SIN3B: variants seen among roughly 807,000 people sequenced by gnomAD.
SIN3B encodes paired amphipathic helix protein Sin3b.
SIN3B carries 19 observed loss-of-function variants against 120.2 expected under a neutral mutation model. That is an observed-to-expected ratio of 0.16 (90% CI 0.11 to 0.23). SIN3B has a LOEUF of 0.23. Among genes scored for constraint, SIN3B ranks in the 10% least tolerant of loss-of-function variants. The pLI is 1.00. For synonymous variants in SIN3B, 654 were observed against 653.2 expected (o/e 1.00, Z -0.02); for missense variants, 1,073 against 1,573.0 (o/e 0.68, Z 5.38).
chr19:16,833,045 A>G (rs1322508624), intron 3 of SIN3B, among the ~76,000 whole-genome samples: 2 of 152,148 alleles, frequency 1.3e-5, no homozygotes, highest in Non-Finnish European at 2.9e-5. Flanking sequence ...ACAGCCAGAA[A>G]TGTCTCCAGA....
chr19:16,858,473 C>A (rs569359719), intron 8 of SIN3B, among the ~76,000 whole-genome samples: 1 of 152,228 alleles, frequency 6.6e-6, no homozygotes, highest in South Asian at 2.1e-4. Context: ...CCCAAGGGGA[C>A]CAATTAGGTT....
intron 8 of SIN3B, 120 bp downstream of exon 8, chr19:16,854,381 A>G (rs1332379898): frequency 9.4e-6 from 6 of 641,188 alleles, no homozygotes; most frequent in East Asian, 2.7e-5. Context: ...CTGTTTATTA[A>G]TTGACGTGAT....
rs759215816 is a variant in SIN3B, at chr19:16,878,731, G to A, written c.*4G>A. 23 of 1,589,272 alleles carry A rather than the reference G, an allele frequency of 1.4e-5. No individual in the cohort carries two copies. The highest frequency in any genetic ancestry group is 9.4e-5 in the African/African-American group (7 of 74,428). On this transcript the variant is annotated 3_prime_UTR_variant, in exon 19 of 19. Transcript: ENST00000248054. ...CCGCCGCCCGGCCTCGCCCTGACCC[G>A]CCCTCATGGGCACCGGGCAGGCGCC...
intron 3 of SIN3B, among the ~76,000 whole-genome samples, chr19:16,841,522 C>T (rs901158147): frequency 6.6e-6 from 1 of 152,112 alleles, no homozygotes. Flanking sequence ...GCAAGGTGCT[C>T]GTTGAACTTG....
chr19:16,877,864 T>TG (rs1449472954), intron 17 of SIN3B, among the ~76,000 whole-genome samples: 28 of 152,152 alleles, frequency 1.8e-4, no homozygotes, highest in African/African-American at 6.8e-4. Flanking sequence ...AACCCCACGA[T>TG]GCGTCAGTGG....
chr19:16,864,996 C>T (rs1971744085), intron 10 of SIN3B: 1 of 155,276 alleles, frequency 6.4e-6, no homozygotes, highest in Non-Finnish European at 1.4e-5. Flanking sequence ...CCATTCCTGG[C>T]TAATTTTTTT....
chr19:16,838,535 C>T (rs1281690343), intron 3 of SIN3B, among the ~76,000 whole-genome samples: 2 of 152,186 alleles, frequency 1.3e-5, no homozygotes, highest in South Asian at 2.1e-4. Flanking sequence ...CTGAATCATT[C>T]TCCACTGTAT....
At chr19:16,841,028 T>C (rs1971410524) in intron 3 of SIN3B, among the ~76,000 whole-genome samples, 1 of 152,170 alleles carries the variant, frequency 6.6e-6, no homozygotes, top group South Asian at 2.1e-4. Flanking sequence ...ACCCAGCCCT[T>C]GTGTGCTGGG....
chr19:16,842,722 G>T (rs556248303), intron 4 of SIN3B, among the ~76,000 whole-genome samples: 1 of 152,314 alleles, frequency 6.6e-6, no homozygotes, highest in East Asian at 1.9e-4. Context: ...GTGGTGGGAA[G>T]AAACTCAGAG....
chr19:16,863,931 T>C, intron 10 of SIN3B, 135 bp downstream of exon 10: 1 of 635,614 alleles, frequency 1.6e-6, no homozygotes, highest in Non-Finnish European at 2.8e-6. Context: ...CAACAGCTCC[T>C]GGAAGCTTCC....
chr19:16,871,611 C>T, intron 14 of SIN3B: 1 of 531,070 alleles, frequency 1.9e-6, no homozygotes, highest in South Asian at 2.3e-5. Context: ...GCAACCACCA[C>T]CTCTGTCTAG....
intron 4 of SIN3B, 76 bp downstream of exon 4, chr19:16,842,044 C>T: frequency 8.2e-7 from 1 of 1,218,588 alleles, no homozygotes; most frequent in Non-Finnish European, 1.2e-6. Context: ...TTCAGATTTT[C>T]TTGTCGGAAT....
rs949432145 is a variant in SIN3B, at chr19:16,864,633, A to AT, written c.1384-768dup. Reference sequence around the variant, plus strand: ...AGGAATGAGCCACCACACCTGGCTAATTTTTTTTTCCTTTTTTTAGAGACA... The same window carrying AT: ...AGGAATGAGCCACCACACCTGGCTAATTTTTTTTTTCCTTTTTTTAGAGACA... On this transcript the variant is annotated intron_variant, in intron 10 of 18. Coordinates refer to ENST00000248054, the MANE Select transcript of SIN3B (RefSeq NM_001297595.2). 3.3e-5 allele frequency among the ~76,000 whole-genome samples: 5 copies of AT among 150,806 alleles called. No homozygotes were observed. The East Asian group carries it at 5.9e-4, about 18-fold the overall frequency.
chr19:16,835,251 CAG>C (rs891262797), intron 3 of SIN3B, among the ~76,000 whole-genome samples: 2 of 131,954 alleles, frequency 1.5e-5, no homozygotes, highest in Non-Finnish European at 3.1e-5. Context: ...TTTTTTGAGA[CAG>C]AGTCTCGCTG....
In SIN3B at chr19:16,877,531, C is replaced by T; in HGVS notation, c.2860-14C>T. The T allele has an allele frequency of 1.3e-6, 2 of 1,590,000 alleles. No individual in the cohort carries two copies. Among genetic ancestry groups the T allele is most frequent in the Non-Finnish European group, 1.7e-6 (2 of 1,166,336 alleles). ...TGTAGGGGCATCACGGGCTGTGTCT[C>T]TCCCTGTCCCCAGCACCTGGCTCGG... On this transcript the variant is annotated splice_polypyrimidine_tract_variant and intron_variant, in intron 16 of 18. Coordinates refer to ENST00000248054, the MANE Select transcript of SIN3B (RefSeq NM_001297595.2).
chr19:16,847,385 G>A (rs1971492485), intron 5 of SIN3B, among the ~76,000 whole-genome samples: 1 of 152,228 alleles, frequency 6.6e-6, no homozygotes, highest in Non-Finnish European at 1.5e-5. Context: ...TTCCAGTGGA[G>A]ACTATGGGCC....
chr19:16,832,408 G>A (rs1971290896), intron 3 of SIN3B, among the ~76,000 whole-genome samples: 1 of 151,732 alleles, frequency 6.6e-6, no homozygotes, highest in Non-Finnish European at 1.5e-5. Context: ...ATGTTGGCCA[G>A]GCTGTTCTTG....
Position 16,866,367 on chromosome 19 carries a change from C to G in SIN3B, c.1623-6C>G. On this transcript the variant is annotated splice_region_variant and splice_polypyrimidine_tract_variant and intron_variant, in intron 11 of 18. Transcript: ENST00000248054. ...TCCCTGGTGCTGACCTCTCTTCCCC[C>G]CGCAGACTGAAGGCCAAGGAAGAGG... is the stretch of plus-strand genomic sequence containing the variant. 1 of 1,609,832 alleles carries G rather than the reference C, an allele frequency of 6.2e-7. No individual in the cohort carries two copies. Among genetic ancestry groups the G allele is most frequent in the Non-Finnish European group, 8.5e-7 (1 of 1,177,736 alleles).
chr19:16,843,564 G>A (rs1971444653), intron 4 of SIN3B, among the ~76,000 whole-genome samples: 1 of 152,174 alleles, frequency 6.6e-6, no homozygotes, highest in Non-Finnish European at 1.5e-5. Context: ...GCCCCTCCCA[G>A]GCTTTGTGGG....
Sources: gnomAD v4.1 joint callset for allele counts (sites outside exome capture counted in the v4.1 genomes callset) on GRCh38, gnomAD v4.1.1 for gene constraint, MANE v1.5 for transcripts, NCBI Gene and HGNC (gene_info 2026-07-23, HGNC 2026-07-21) for gene names.